ADGRG6: variants seen among roughly 807,000 people sequenced by gnomAD.
ADGRG6 encodes adhesion G protein-coupled receptor G6.
A neutral mutation model predicts 142.4 loss-of-function variants in ADGRG6; 84 were observed. The ratio of observed to expected loss-of-function variants is 0.59; its 90% CI spans 0.49 to 0.71. The LOEUF is 0.71. Among genes scored for constraint, ADGRG6 ranks in the 30% least tolerant of loss-of-function variants. The probability of loss-of-function intolerance (pLI) is 0.00; values close to 1 mark genes in which losing one functional copy is unlikely to be tolerated. For synonymous variants in ADGRG6, 521 were observed against 520.5 expected (o/e 1.00, Z -0.01); for missense variants, 1,367 against 1,466.6 (o/e 0.93, Z 1.11).
In ADGRG6 at chr6:142,446,041, T is replaced by C. The variant is rs1777958769; in HGVS notation, c.*2526T>C. 6.6e-6 allele frequency: 1 copy of C among 152,604 alleles called. No individual in the cohort carries two copies. Among genetic ancestry groups the C allele is most frequent in the African/African-American group, 2.4e-5 (1 of 41,448 alleles). 9.5% of individuals were successfully genotyped at this position (152,604 alleles called of 1,614,324 possible). On this transcript the variant is annotated 3_prime_UTR_variant, in exon 25 of 25. Transcript: ENST00000367609. Reference sequence around the variant, plus strand: ...CTTTCTTAGCTTGATATTGCCTAGCTTTGTTGTTTTAATTAACTTTCTATT... The same window carrying C: ...CTTTCTTAGCTTGATATTGCCTAGCCTTGTTGTTTTAATTAACTTTCTATT...
intron 2 of ADGRG6, among the ~76,000 whole-genome samples, chr6:142,355,327 G>A (rs1445721543): frequency 6.6e-6 from 1 of 151,880 alleles, no homozygotes; most frequent in Non-Finnish European, 1.5e-5. Context: ...AGACTATACT[G>A]TGTTATAGTT....
chr6:142,339,235 G>A (rs765882141), intron 2 of ADGRG6, among the ~76,000 whole-genome samples: 1 of 152,190 alleles, frequency 6.6e-6, no homozygotes, highest in Non-Finnish European at 1.5e-5. Flanking sequence ...AAACTGCTTA[G>A]AGCAGTTGCA....
Position 142,402,045 on chromosome 6 carries a change from CT to C in ADGRG6, c.1732del (p.Ser578ProfsTer4). On this transcript the variant is annotated frameshift_variant, in exon 12 of 25. Coordinates refer to ENST00000367609, the MANE Select transcript of ADGRG6 (RefSeq NM_198569.3). LOFTEE classifies it high-confidence loss of function. ...TAACCTACTGGGGACCTGTTGATAT[CT>C]CCAACTGTTTAAGTAAGTGAGCAGT... ...LVTYWGPVDI[S>X]NCLKEANEVA... is the part of the protein sequence containing the mutation. The C allele has an allele frequency of 6.5e-7, 1 of 1,541,816 alleles. No homozygotes were observed. Among genetic ancestry groups the C allele is most frequent in the Non-Finnish European group, 8.9e-7 (1 of 1,122,118 alleles).
chr6:142,359,427 A>C (rs1780612790), intron 2 of ADGRG6, among the ~76,000 whole-genome samples: 1 of 152,104 alleles, frequency 6.6e-6, no homozygotes, highest in South Asian at 2.1e-4. Flanking sequence ...ATCTTAAGTT[A>C]CTTGAACAGT....
chr6:142,345,571 A>G (rs1359267332), intron 2 of ADGRG6, among the ~76,000 whole-genome samples: 1 of 152,120 alleles, frequency 6.6e-6, no homozygotes, highest in Non-Finnish European at 1.5e-5. Flanking sequence ...TGCAAAAGGG[A>G]AAGGAACAGA....
intron 2 of ADGRG6, among the ~76,000 whole-genome samples, chr6:142,313,771 TCAA>T (rs1777887478): frequency 6.6e-6 from 1 of 152,162 alleles, no homozygotes; most frequent in Non-Finnish European, 1.5e-5. Flanking sequence ...GATCATAACA[TCAA>T]CAATTATTAT....
At chr6:142,356,125 C>G (rs1780430237) in intron 2 of ADGRG6, among the ~76,000 whole-genome samples, 1 of 152,174 alleles carries the variant, frequency 6.6e-6, no homozygotes, top group Non-Finnish European at 1.5e-5. Flanking sequence ...AACCGAAATT[C>G]AACCTTGCTT....
chr6:142,422,985 G>A (rs1284449660), intron 22 of ADGRG6, among the ~76,000 whole-genome samples: 2 of 151,972 alleles, frequency 1.3e-5, no homozygotes, highest in Admixed American at 6.6e-5. Flanking sequence ...GTCTGTTCAT[G>A]TCCTTCGCCC....
At position 142,347,388 on chromosome 6, in the gene ADGRG6, G is replaced by T. The variant is rs1174018151; in HGVS notation, c.104-20181G>T. Among the ~76,000 whole-genome samples the T allele has an allele frequency of 2.0e-5, 3 of 152,162 alleles. No individual in the cohort carries two copies. The East Asian group carries it at 5.8e-4, about 29-fold the overall frequency. On this transcript the variant is annotated intron_variant, in intron 2 of 24. Transcript: ENST00000367609. ...GGAAACCAAATTTTAATGTCAATTT[G>T]TTGATATATAATGAGAAATATTTCA...
chr6:142,355,264 T>G (rs560600202), intron 2 of ADGRG6, among the ~76,000 whole-genome samples: 1 of 152,094 alleles, frequency 6.6e-6, no homozygotes, highest in Non-Finnish European at 1.5e-5. Flanking sequence ...ATTTCAGTAA[T>G]CACTGGGGCT....
At chr6:142,404,713 C>T (rs961927103) in intron 14 of ADGRG6, among the ~76,000 whole-genome samples, 4 of 152,112 alleles carry the variant, frequency 2.6e-5, no homozygotes, top group African/African-American at 9.7e-5. Context: ...CTGGGACCTA[C>T]TCCAGGAGTT....
chr6:142,416,635 T>C (rs1403892903), intron 20 of ADGRG6, among the ~76,000 whole-genome samples: 3 of 152,196 alleles, frequency 2.0e-5, no homozygotes, highest in Admixed American at 6.5e-5. Flanking sequence ...CCAGGCATTT[T>C]AGAGCTTTCT....
In ADGRG6 at chr6:142,370,640, G is replaced by A. The variant is rs201497641; in HGVS notation, c.916G>A (p.Asp306Asn). 3.1e-6 allele frequency: 5 copies of A among 1,613,696 alleles called. No homozygotes were observed. Among genetic ancestry groups the A allele is most frequent in the South Asian group, 1.1e-5 (1 of 91,070 alleles). The change falls in exon 4 of 25, where the codon GAC becomes AAC. Residue 306 changes from aspartate to asparagine, a missense_variant. Asp to Asn is a conservative substitution (Grantham distance 23). Coordinates refer to ENST00000367609, the MANE Select transcript of ADGRG6 (RefSeq NM_198569.3). ...AAATGAAATTGTCTCTCTAAAAGGG[G>A]ACATTTATAACTTTCGACTTTGGAA... ...NQNEIVSLKG[D>N]IYNFRLWNFT... is the part of the protein sequence containing the mutation.
intron 4 of ADGRG6, among the ~76,000 whole-genome samples, chr6:142,373,512 G>A (rs1781352445): frequency 6.6e-6 from 1 of 152,170 alleles, no homozygotes; most frequent in Admixed American, 6.5e-5. Context: ...GGCAAATTAG[G>A]AGGGCCTGTA....
At chr6:142,416,801 G>A (rs1210105187) in intron 20 of ADGRG6, among the ~76,000 whole-genome samples, 2 of 152,120 alleles carry the variant, frequency 1.3e-5, no homozygotes, top group African/African-American at 4.8e-5. Context: ...TTCAATCTCT[G>A]GGGAGAGAAG....
At chr6:142,378,907 T>C (rs935626363) in intron 4 of ADGRG6, among the ~76,000 whole-genome samples, 2 of 152,250 alleles carry the variant, frequency 1.3e-5, no homozygotes, top group Admixed American at 6.5e-5. Flanking sequence ...AAGCTGTTTT[T>C]ACCTTTTTAA....
At chr6:142,327,871 G>A (rs1778854652) in intron 2 of ADGRG6, among the ~76,000 whole-genome samples, 1 of 151,902 alleles carries the variant, frequency 6.6e-6, no homozygotes, top group African/African-American at 2.4e-5. Flanking sequence ...AATCAAATTT[G>A]ATCAATATCT....
At chr6:142,408,879 G>A (rs1775944976) in intron 16 of ADGRG6, among the ~76,000 whole-genome samples, 1 of 152,074 alleles carries the variant, frequency 6.6e-6, no homozygotes, top group African/African-American at 2.4e-5. Flanking sequence ...AAGACAGGCT[G>A]GAAATGAGTG....
At chr6:142,381,463 G>T (rs1467287744) in intron 4 of ADGRG6, among the ~76,000 whole-genome samples, 2 of 152,126 alleles carry the variant, frequency 1.3e-5, no homozygotes, top group East Asian at 1.9e-4. Flanking sequence ...GTTAGTAAAA[G>T]CTTGAAATAA....
Sources: allele counts gnomAD v4.1 joint callset (sites outside exome capture counted in the v4.1 genomes callset), GRCh38; gene constraint gnomAD v4.1.1; transcripts MANE v1.5; gene names NCBI Gene and HGNC (gene_info 2026-07-23, HGNC 2026-07-21).